EPHA8: variants seen among roughly 807,000 people sequenced by gnomAD.
EPHA8 encodes EPH receptor A8, also known as ephrin type-A receptor 8.
In EPHA8, 58 loss-of-function variants were observed where a neutral mutation model predicts 103.6. The ratio of observed to expected loss-of-function variants is 0.56; its 90% CI spans 0.45 to 0.70. EPHA8 has a LOEUF of 0.70. EPHA8 is among the 30% of genes least tolerant of loss of function. EPHA8 has a pLI of 0.00. For missense variants in EPHA8, 1,304 were observed against 1,395.2 expected (o/e 0.93, Z 1.04); for synonymous variants, 559 against 572.5 (o/e 0.98, Z 0.34).
At position 22,596,157 on chromosome 1, in the gene EPHA8, C is replaced by T. The variant is rs901903397; in HGVS notation, c.1749C>T (p.His583=). Reference sequence around the variant, plus strand: ...AGGACTCGGACGAGGAGAAGATGCACTATCAGAATGGACAGGGTGAGTGCA... The same window carrying T: ...AGGACTCGGACGAGGAGAAGATGCATTATCAGAATGGACAGGGTGAGTGCA... ...AFQDSDEEKM[H]YQNGQAPPPV... The change falls in exon 9 of 17, where the codon CAC becomes CAT. Residue 583 remains histidine (H), a synonymous_variant. Coordinates refer to ENST00000166244, the MANE Select transcript of EPHA8 (RefSeq NM_020526.5). 6.2e-7 allele frequency: 1 copy of T among 1,613,948 alleles called. No individual in the cohort carries two copies. Among genetic ancestry groups the T allele is most frequent in the Non-Finnish European group, 8.5e-7 (1 of 1,179,970 alleles).
At chr1:22,578,242 ATG>A (rs199895912) in intron 3 of EPHA8, among the ~76,000 whole-genome samples, 3,691 of 115,568 alleles carry the variant, frequency 0.032, 99 homozygotes, top group East Asian at 0.087. Context: ...GTATGTGTGC[ATG>A]TGTGTGTCTG....
chr1:22,580,509 T>G (rs1411379205), intron 3 of EPHA8, among the ~76,000 whole-genome samples: 4 of 152,142 alleles, frequency 2.6e-5, no homozygotes, highest in African/African-American at 9.7e-5. Context: ...TGTCCCGAGC[T>G]CTAAACCCCA....
intron 5 of EPHA8, among the ~76,000 whole-genome samples, chr1:22,591,939 AC>A (rs1198719466): frequency 6.6e-6 from 1 of 151,716 alleles, no homozygotes; most frequent in East Asian, 1.9e-4. Context: ...CACCAAAAGA[AC>A]CCCCATTCTC....
At chr1:22,594,555 G>A (rs1641465022) in intron 7 of EPHA8, among the ~76,000 whole-genome samples, 1 of 152,222 alleles carries the variant, frequency 6.6e-6, no homozygotes, top group African/African-American at 2.4e-5. Flanking sequence ...CTGACTTCGA[G>A]GCTGTCCCTT....
At chr1:22,577,434 G>A (rs545414828) in intron 3 of EPHA8, among the ~76,000 whole-genome samples, 2 of 152,266 alleles carry the variant, frequency 1.3e-5, no homozygotes, top group African/African-American at 2.4e-5. Flanking sequence ...GCTCGAAACC[G>A]CTGAACTTCT....
intron 8 of EPHA8, 113 bp from the exon 9 acceptor site, chr1:22,595,993 A>G: frequency 1.1e-6 from 1 of 916,656 alleles, no homozygotes; most frequent in Non-Finnish European, 1.7e-6. Context: ...GCAGGAGCTG[A>G]CCTGTCAGGG....
At position 22,600,653 on chromosome 1, in the gene EPHA8, C is replaced by T. The variant is rs374640733; in HGVS notation, c.2389-8C>T. The T allele has an allele frequency of 3.0e-5, 49 of 1,612,506 alleles. No homozygotes were observed. Among genetic ancestry groups the T allele is most frequent in the African/African-American group, 5.3e-5 (4 of 74,864 alleles). On this transcript the variant is annotated splice_region_variant and splice_polypyrimidine_tract_variant and intron_variant, in intron 13 of 16. Coordinates refer to ENST00000166244, the MANE Select transcript of EPHA8 (RefSeq NM_020526.5). ...GGCAGCCCCTCAACTCTTGTGTGTC[C>T]GTCGCAGGGCGGGAAGATCCCCATC... is the stretch of plus-strand genomic sequence containing the variant.
chr1:22,597,683 C>A lies in EPHA8; in HGVS notation c.1938C>A (p.Ser646=). 6.2e-7 allele frequency: 1 copy of A among 1,607,960 alleles called. No individual in the cohort carries two copies. Among genetic ancestry groups the A allele is most frequent in the Non-Finnish European group, 8.5e-7 (1 of 1,177,208 alleles). The change falls in exon 11 of 17, where the codon TCC becomes TCA. Residue 646 remains serine, a synonymous_variant. Coordinates refer to ENST00000166244, the MANE Select transcript of EPHA8 (RefSeq NM_020526.5). The surrounding 1 kb of genome is among the most constrained non-coding windows in gnomAD (Gnocchi z 4.6). ...CCCTCTCGGGGCCTGCAGGAGACTC[C>A]GGGGAAGTCTGCTACGGGAGGCTGC... The part of the protein sequence containing the change: ...HIEKIIGSGD[S]GEVCYGRLRV...
chr1:22,578,312 A>G (rs1050051825), intron 3 of EPHA8, among the ~76,000 whole-genome samples: 15 of 139,024 alleles, frequency 1.1e-4, no homozygotes, highest in Non-Finnish European at 2.2e-4. Flanking sequence ...GCCTGTGTGC[A>G]TATGTATGCA....
chr1:22,579,103 ATGTG>A (rs1337872923), intron 3 of EPHA8, among the ~76,000 whole-genome samples: 1 of 97,546 alleles, frequency 1.0e-5, no homozygotes, highest in African/African-American at 5.7e-5. Flanking sequence ...GTGCATGTGT[ATGTG>A]TGCATGTGTA....
At chr1:22,580,594 G>T (rs561153675) in intron 3 of EPHA8, among the ~76,000 whole-genome samples, 1 of 152,306 alleles carries the variant, frequency 6.6e-6, no homozygotes, top group Non-Finnish European at 1.5e-5. Flanking sequence ...GGCTCCCCAG[G>T]CCACAAGCTC....
At position 22,603,040 on chromosome 1, in the gene EPHA8, A is replaced by T. The variant is rs1327537622; in HGVS notation, c.*1299A>T. On this transcript the variant is annotated 3_prime_UTR_variant, in exon 17 of 17. Coordinates refer to ENST00000166244, the MANE Select transcript of EPHA8 (RefSeq NM_020526.5). ...TCCTGACAATGCAAAAATGGTCTTC[A>T]AAGCACATAAAAAGCACCCAGGGTG... 3 of 152,542 alleles carry T rather than the reference A, an allele frequency of 2.0e-5. No homozygotes were observed. The East Asian group carries it at 5.8e-4, about 29-fold the overall frequency. The allele number at this position is 152,542 out of a possible 1,614,324, so 9.4% of individuals were successfully genotyped here.
chr1:22,590,317 C>T (rs1641339309), intron 5 of EPHA8, among the ~76,000 whole-genome samples: 1 of 152,158 alleles, frequency 6.6e-6, no homozygotes, highest in Admixed American at 6.6e-5. Flanking sequence ...ATCCGGGATG[C>T]CCCAACATTA....
At chr1:22,571,514 G>GC (rs1436864563) in intron 2 of EPHA8, among the ~76,000 whole-genome samples, 1 of 152,200 alleles carries the variant, frequency 6.6e-6, no homozygotes, top group African/African-American at 2.4e-5. Flanking sequence ...AGGCAGCGAG[G>GC]CCTACTCTGT....
intron 16 of EPHA8, 64 bp downstream of exon 16, chr1:22,601,537 G>A: frequency 6.3e-7 from 1 of 1,599,810 alleles, no homozygotes; most frequent in Non-Finnish European, 8.5e-7. Flanking sequence ...CCCTGCCGGG[G>A]AGGCTACAGG....
At chr1:22,578,214 G>A (rs111203838) in intron 3 of EPHA8, among the ~76,000 whole-genome samples, 1,314 of 115,262 alleles carry the variant, frequency 0.011, 17 homozygotes, top group African/African-American at 0.037. Flanking sequence ...GAGTGTGTGC[G>A]TGTGAGTGTG....
intron 13 of EPHA8, among the ~76,000 whole-genome samples, chr1:22,599,656 A>G (rs1482585769): frequency 5.9e-5 from 3 of 50,952 alleles, no homozygotes; most frequent in African/African-American, 2.7e-4. Flanking sequence ...GGAAGGAAGG[A>G]AAGGAGGGAG....
chr1:22,603,266 C>G lies in EPHA8; in HGVS notation c.*1525C>G, dbSNP rs961244982. 5 of 152,500 alleles carry G rather than the reference C, an allele frequency of 3.3e-5. No individual in the cohort carries two copies. Among genetic ancestry groups the G allele is most frequent in the African/African-American group, 4.8e-5 (2 of 41,466 alleles). The allele number at this position is 152,500 out of a possible 1,614,324, so 9.4% of individuals were successfully genotyped here. A position where few individuals can be genotyped will look rare whatever the true frequency, so the allele number is the denominator to read the frequency against. On this transcript the variant is annotated 3_prime_UTR_variant, in exon 17 of 17. Transcript: ENST00000166244. ...ATAATTCGGGGAGTCTCAGCCCCATCCAGGTGCCGCGGCCAGCTCTCTACA... is the reference window on the plus strand; with the variant it reads ...ATAATTCGGGGAGTCTCAGCCCCATGCAGGTGCCGCGGCCAGCTCTCTACA...
chr1:22,596,190 G>A lies in EPHA8; in HGVS notation c.1765+17G>A, dbSNP rs373829786. 27 of 1,612,986 alleles carry A rather than the reference G, an allele frequency of 1.7e-5. No individual in the cohort carries two copies. In the African/African-American group the frequency reaches 1.9e-4, roughly 11 times the overall value. ...ATGGACAGGGTGAGTGCAGGGGCCCGGTGGTCTGGGGCAGAGGGAAGGCCA... is the reference window on the plus strand; with the variant it reads ...ATGGACAGGGTGAGTGCAGGGGCCCAGTGGTCTGGGGCAGAGGGAAGGCCA... On this transcript the variant is annotated intron_variant, in intron 9 of 16. Transcript: ENST00000166244.
Sources: allele counts gnomAD v4.1 joint callset (sites outside exome capture counted in the v4.1 genomes callset), GRCh38; gene constraint gnomAD v4.1.1; non-coding constraint Gnocchi (gnomAD v3.1); transcripts MANE v1.5; gene names NCBI Gene and HGNC (gene_info 2026-07-23, HGNC 2026-07-21).